The following SUV39H2 variants were observed in gnomAD, a reference collection of about 807,000 sequenced individuals.
The protein encoded by SUV39H2 is SUV39H2 histone lysine methyltransferase.
SUV39H2 carries 10 observed loss-of-function variants against 47.5 expected under a neutral mutation model. That is an observed-to-expected ratio of 0.21 (90% CI 0.13 to 0.36). The LOEUF is 0.36. Ranked by LOEUF, SUV39H2 falls within the 10% of genes least tolerant of loss-of-function variation. The pLI is 1.00. For synonymous variants in SUV39H2, 159 were observed against 166.8 expected, an observed-to-expected ratio of 0.95 and a Z score of 0.36; for missense variants, 266 against 487.4, an observed-to-expected ratio of 0.55 and a Z score of 4.28.
chr10:14,878,979 G>C (rs1832955370), intron 1 of SUV39H2, 60 bp downstream of exon 1: 1 of 1,358,242 alleles, frequency 7.4e-7, no homozygotes, highest in East Asian at 3.1e-5. Context: ...CCAAGGCCCG[G>C]GCGGCGGGGC....
chr10:14,888,867 G>C (rs1418897498), intron 2 of SUV39H2, among the ~76,000 whole-genome samples: 1 of 152,190 alleles, frequency 6.6e-6, no homozygotes, highest in African/African-American at 2.4e-5. Context: ...CACTTTGGGA[G>C]GCTGAGGCAG....
At chr10:14,890,385 A>G (rs183938580) in intron 2 of SUV39H2, among the ~76,000 whole-genome samples, 2 of 152,204 alleles carry the variant, frequency 1.3e-5, no homozygotes, top group East Asian at 3.8e-4. Context: ...TGGTGTTTTC[A>G]TAATCAAATT....
chr10:14,881,433 AG>A (rs887118230), intron 1 of SUV39H2, 66 bp from the exon 2 acceptor site: 2 of 1,277,812 alleles, frequency 1.6e-6, no homozygotes, highest in Non-Finnish European at 2.0e-6. Flanking sequence ...AGAGGTTTTA[AG>A]TTTCTCTTTT....
At chr10:14,895,978 C>G (rs1833580587) in intron 2 of SUV39H2, among the ~76,000 whole-genome samples, 1 of 149,524 alleles carries the variant, frequency 6.7e-6, no homozygotes, top group Admixed American at 6.7e-5. Flanking sequence ...GTCTCGCACT[C>G]TGTCGCCCAC....
At position 14,897,418 on chromosome 10, in the gene SUV39H2, T is replaced by C; in HGVS notation, c.750T>C (p.Tyr250=). 1 of 1,613,416 alleles carries C rather than the reference T, an allele frequency of 6.2e-7. No individual in the cohort carries two copies. The highest frequency in any genetic ancestry group is 8.5e-7 in the Non-Finnish European group (1 of 1,179,628). ...PNRIVQKGTQ[Y]SLCIFRTSNG... Reference sequence around the variant, plus strand: ...GGATTGTACAAAAAGGCACACAGTATTCGCTTTGCATCTTTCGAACTAGCA... The same window carrying C: ...GGATTGTACAAAAAGGCACACAGTACTCGCTTTGCATCTTTCGAACTAGCA... Residue 250 remains tyrosine (Y), a synonymous_variant, in exon 3 of 6, where the codon TAT becomes TAC. Transcript: ENST00000354919.
chr10:14,892,999 A>ATTTT (rs869161891), intron 2 of SUV39H2, among the ~76,000 whole-genome samples: 13 of 79,906 alleles, frequency 1.6e-4, no homozygotes, highest in Non-Finnish European at 2.3e-4. Flanking sequence ...AATTTTTTGT[A>ATTTT]TTTTTTTTTT....
chr10:14,878,944 GC>G lies in SUV39H2; in HGVS notation c.31+27del, dbSNP rs751864923. ...GGTGAGGCTGGAGCGCGGCCCCCTC[GC>G]CTTCCCTGTTCCCAGGCAAGCTCCC... On this transcript the variant is annotated intron_variant, in intron 1 of 5. Transcript: ENST00000354919. 4 of 1,450,236 alleles carry G rather than the reference GC, an allele frequency of 2.8e-6. No homozygotes were observed. In the Admixed American group the frequency reaches 1.1e-4, roughly 39 times the overall value. 89.8% of individuals were successfully genotyped at this position (1,450,236 alleles called of 1,614,324 possible).
intron 3 of SUV39H2, 22 bp from the exon 4 acceptor site, chr10:14,899,517 A>G: frequency 6.2e-7 from 1 of 1,612,900 alleles, no homozygotes; most frequent in Non-Finnish European, 8.5e-7. Context: ...TACGTAATAT[A>G]CTTACAGTTT....
intron 1 of SUV39H2, among the ~76,000 whole-genome samples, 189 bp from the exon 2 acceptor site, chr10:14,881,311 C>T (rs988415669): frequency 6.6e-6 from 1 of 152,174 alleles, no homozygotes; most frequent in African/African-American, 2.4e-5. Context: ...AATCCAAGAA[C>T]ACCAATTTAA....
chr10:14,879,220 T>G, intron 1 of SUV39H2: 2 of 875,116 alleles, frequency 2.3e-6, no homozygotes, highest in Non-Finnish European at 2.9e-6. Context: ...CGTGGCGGCC[T>G]CGGGCTTCGA....
rs1832950476 is a variant in SUV39H2, at chr10:14,878,867, G to A, written c.-22G>A. 2 of 1,486,298 alleles carry A rather than the reference G, an allele frequency of 1.3e-6. No homozygotes were observed. The highest frequency in any genetic ancestry group is 8.9e-7 in the Non-Finnish European group (1 of 1,117,544). The allele number at this position is 1,486,298 out of a possible 1,614,324, so 92.1% of individuals were successfully genotyped here. On this transcript the variant is annotated 5_prime_UTR_variant, in exon 1 of 6. Transcript: ENST00000354919. ...TGAGCTATCCCGTCAGACCGCGCCA[G>A]TTTGAATGAAAGCTCTACAAGATGG...
intron 2 of SUV39H2, 118 bp downstream of exon 2, chr10:14,881,763 C>A: frequency 2.1e-6 from 2 of 964,482 alleles, no homozygotes; most frequent in Non-Finnish European, 2.8e-6. Flanking sequence ...AATTCTAAGG[C>A]ATGATAAATT....
intron 4 of SUV39H2, among the ~76,000 whole-genome samples, chr10:14,900,779 T>C (rs1448952527): frequency 6.6e-6 from 1 of 152,102 alleles, no homozygotes. Context: ...TATGCCTTAC[T>C]GAAATAGTTA....
intron 2 of SUV39H2, among the ~76,000 whole-genome samples, chr10:14,882,797 C>T (rs867523602): frequency 6.6e-6 from 1 of 151,922 alleles, no homozygotes; most frequent in Non-Finnish European, 1.5e-5. Context: ...ACCAGCTGTT[C>T]ACACTTATTC....
chr10:14,888,070 A>G (rs912928478), intron 2 of SUV39H2, among the ~76,000 whole-genome samples: 6 of 152,116 alleles, frequency 3.9e-5, no homozygotes, highest in Admixed American at 3.9e-4. Flanking sequence ...TAGGCCGAGG[A>G]AAGGATTTTG....
At chr10:14,895,264 C>T (rs564529461) in intron 2 of SUV39H2, among the ~76,000 whole-genome samples, 1 of 151,974 alleles carries the variant, frequency 6.6e-6, no homozygotes, top group East Asian at 1.9e-4. Context: ...GCAACCTCCT[C>T]CTCCTGGGTT....
chr10:14,901,828 GA>G (rs1042550298), intron 5 of SUV39H2, among the ~76,000 whole-genome samples: 5 of 145,314 alleles, frequency 3.4e-5, no homozygotes, highest in South Asian at 4.5e-4. Flanking sequence ...GACCCTGTCT[GA>G]AAAAAAAAAC....
At chr10:14,897,575 A>G in intron 3 of SUV39H2, 58 bp downstream of exon 3, 1 of 1,386,028 alleles carries the variant, frequency 7.2e-7, no homozygotes, top group Non-Finnish European at 9.5e-7. Context: ...ACTTTTGGAA[A>G]ATTACCTTTT....
At chr10:14,887,167 C>T (rs1426663233) in intron 2 of SUV39H2, among the ~76,000 whole-genome samples, 1 of 152,060 alleles carries the variant, frequency 6.6e-6, no homozygotes, top group African/African-American at 2.4e-5. Context: ...GTCATAGTAA[C>T]CAGACCAGAA....
Sources: gnomAD v4.1 joint callset for allele counts (sites outside exome capture counted in the v4.1 genomes callset) on GRCh38, gnomAD v4.1.1 for gene constraint, MANE v1.5 for transcripts, NCBI Gene and HGNC (gene_info 2026-07-23, HGNC 2026-07-21) for gene names.